Variants in NRG3 observed in about 807,000 individuals in gnomAD.
NRG3 encodes pro-neuregulin-3, membrane-bound isoform.
NRG3 carries 31 observed loss-of-function variants against 66.9 expected under a neutral mutation model. That is an observed-to-expected ratio of 0.46 (90% CI 0.35 to 0.63). The LOEUF is 0.63. NRG3 is among the 20% of genes least tolerant of loss of function. NRG3 has a pLI of 0.00. For missense variants in NRG3, 910 were observed against 878.9 expected (o/e 1.04, Z -0.45); for synonymous variants, 393 against 359.4 (o/e 1.09, Z -1.06).
intron 3 of NRG3, among the ~76,000 whole-genome samples, chr10:82,855,771 C>A (rs909463638): frequency 2.0e-5 from 3 of 151,930 alleles, no homozygotes; most frequent in African/African-American, 7.3e-5. Flanking sequence ...GAACATGTGG[C>A]AGCTATTACA....
Position 82,756,314 on chromosome 10 carries a change from T to C in NRG3, c.1027+17664T>C, listed in dbSNP as rs191520768. ...CTACAGAAAACATTCTGACTAATTC[T>C]GTTTGGGGTCAGTCATGAATAACTT... On this transcript the variant is annotated intron_variant, in intron 3 of 8. Transcript: ENST00000372141. 3.4e-3 allele frequency among the ~76,000 whole-genome samples: 524 copies of C among 152,254 alleles called. 2 individuals carry two copies. Among genetic ancestry groups the C allele is most frequent in the Non-Finnish European group, 5.7e-3 (391 of 68,000 alleles).
At chr10:81,995,916 T>C (rs2060924303) in intron 1 of NRG3, among the ~76,000 whole-genome samples, 2 of 152,186 alleles carry the variant, frequency 1.3e-5, no homozygotes, top group East Asian at 1.9e-4. Flanking sequence ...GCAACTGTGG[T>C]CAGAGGGACT....
intron 1 of NRG3, among the ~76,000 whole-genome samples, chr10:82,162,420 C>G (rs1324131655): frequency 6.6e-6 from 1 of 152,168 alleles, no homozygotes; most frequent in East Asian, 1.9e-4. Context: ...GTGCCTTGCT[C>G]TGCCATCATT....
intron 1 of NRG3, among the ~76,000 whole-genome samples, chr10:81,896,086 G>A (rs1843500839): frequency 6.6e-6 from 1 of 152,154 alleles, no homozygotes; most frequent in Admixed American, 6.5e-5. Flanking sequence ...AGGACTGTTA[G>A]AGAGGAGAAT....
intron 2 of NRG3, among the ~76,000 whole-genome samples, chr10:82,402,758 G>A (rs988755825): frequency 3.9e-5 from 6 of 152,096 alleles, no homozygotes; most frequent in Non-Finnish European, 8.8e-5. Context: ...CTATGTGGGT[G>A]CCTGTGCGTG....
intron 1 of NRG3, among the ~76,000 whole-genome samples, chr10:82,214,760 A>G (rs533693643): frequency 6.6e-6 from 1 of 152,146 alleles, no homozygotes; most frequent in Non-Finnish European, 1.5e-5. Flanking sequence ...GTGAGCCACC[A>G]TGACCAGCCC....
intron 4 of NRG3, among the ~76,000 whole-genome samples, chr10:82,868,697 T>TA (rs1841001341): frequency 1.3e-5 from 2 of 152,188 alleles, no homozygotes; most frequent in African/African-American, 4.8e-5. Flanking sequence ...TTAACTTTTT[T>TA]ATTTTTATTT....
At chr10:82,971,885 G>T (rs1851782578) in intron 6 of NRG3, among the ~76,000 whole-genome samples, 1 of 151,922 alleles carries the variant, frequency 6.6e-6, no homozygotes, top group Admixed American at 6.6e-5. Flanking sequence ...TATTTTATTT[G>T]AAATTATTAC....
At chr10:82,342,443 T>G (rs2082731547) in intron 1 of NRG3, among the ~76,000 whole-genome samples, 1 of 152,138 alleles carries the variant, frequency 6.6e-6, no homozygotes, top group Non-Finnish European at 1.5e-5. Flanking sequence ...GTTTTTTGAC[T>G]TTTTAATATT....
At chr10:82,324,754 C>G (rs1419771139) in intron 1 of NRG3, among the ~76,000 whole-genome samples, 1 of 152,052 alleles carries the variant, frequency 6.6e-6, no homozygotes, top group African/African-American at 2.4e-5. Flanking sequence ...AACTTAATTC[C>G]ACTGTGTTCA....
chr10:82,894,016 G>A (rs373232314), intron 4 of NRG3, among the ~76,000 whole-genome samples: 1 of 152,284 alleles, frequency 6.6e-6, no homozygotes, highest in South Asian at 2.1e-4. Context: ...GTTGATTTTG[G>A]AGATGAGTTC....
intron 1 of NRG3, among the ~76,000 whole-genome samples, chr10:81,977,179 A>T (rs1350700586): frequency 1.3e-5 from 2 of 152,154 alleles, no homozygotes; most frequent in Non-Finnish European, 2.9e-5. Context: ...TCCCAGATTG[A>T]ATGAGGTATT....
intron 3 of NRG3, among the ~76,000 whole-genome samples, chr10:82,793,017 C>G (rs1004580922): frequency 6.6e-6 from 1 of 151,944 alleles, no homozygotes; most frequent in African/African-American, 2.4e-5. Flanking sequence ...CCAATAAACT[C>G]AGAGTTTTCT....
At chr10:82,296,230 A>G (rs2080052948) in intron 1 of NRG3, among the ~76,000 whole-genome samples, 2 of 152,194 alleles carry the variant, frequency 1.3e-5, no homozygotes, top group African/African-American at 4.8e-5. Flanking sequence ...GGAAGGCTGG[A>G]GAAGTAGTGG....
chr10:82,558,036 T>C (rs2132972631), intron 2 of NRG3, among the ~76,000 whole-genome samples: 1 of 152,308 alleles, frequency 6.6e-6, no homozygotes, highest in East Asian at 1.9e-4. Context: ...CACCTGGGAA[T>C]GATTTCCAGA....
chr10:82,708,113 A>T (rs2056432843), intron 2 of NRG3, among the ~76,000 whole-genome samples: 1 of 152,108 alleles, frequency 6.6e-6, no homozygotes, highest in Admixed American at 6.6e-5. Context: ...ATCCGTTTTT[A>T]ATCTTACGAA....
intron 1 of NRG3, among the ~76,000 whole-genome samples, chr10:82,247,658 T>G (rs1371622612): frequency 6.6e-6 from 1 of 152,200 alleles, no homozygotes; most frequent in African/African-American, 2.4e-5. Flanking sequence ...TACAGGGATC[T>G]GTCTTGTTCT....
intron 1 of NRG3, among the ~76,000 whole-genome samples, chr10:82,144,357 G>A (rs1197666377): frequency 6.6e-6 from 1 of 152,104 alleles, no homozygotes; most frequent in Non-Finnish European, 1.5e-5. Context: ...CTTGGGACAG[G>A]AAAACACCTG....
At chr10:82,159,711 G>T (rs1182884192) in intron 1 of NRG3, among the ~76,000 whole-genome samples, 3 of 151,878 alleles carry the variant, frequency 2.0e-5, no homozygotes, top group African/African-American at 7.2e-5. Flanking sequence ...CATAGTAGGT[G>T]CTCAGTCAAC....
Sources: gnomAD v4.1 joint callset for allele counts (sites outside exome capture counted in the v4.1 genomes callset) on GRCh38, gnomAD v4.1.1 for gene constraint, MANE v1.5 for transcripts, NCBI Gene and HGNC (gene_info 2026-07-23, HGNC 2026-07-21) for gene names.